AP1M1: variants seen among roughly 807,000 people sequenced by gnomAD.
AP1M1 encodes the protein adaptor related protein complex 1 subunit mu 1.
AP1M1 carries 18 observed loss-of-function variants against 57.1 expected under a neutral mutation model. The observed-to-expected ratio is 0.32, with a 90% CI of 0.22 to 0.47. The LOEUF (loss-of-function observed/expected upper bound fraction) is 0.47. Ranked by LOEUF, AP1M1 falls within the 20% of genes least tolerant of loss-of-function variation. The probability of loss-of-function intolerance (pLI) is 1.00; values close to 1 mark genes in which losing one functional copy is unlikely to be tolerated. For missense variants in AP1M1, 362 were observed against 593.5 expected (o/e 0.61, Z 4.05); for synonymous variants, 241 against 237.9 (o/e 1.01, Z -0.12).
In AP1M1 at chr19:16,235,959, G is replaced by A. The variant is rs1416243729; in HGVS notation, c.*1524G>A. On this transcript the variant is annotated 3_prime_UTR_variant, in exon 12 of 12. Coordinates refer to ENST00000291439, the MANE Select transcript of AP1M1 (RefSeq NM_032493.4). ...CGAGCTCGTCCTCAGGTGTCTAGTGGGCATCCGACCTAACAGCCTGAGTAG... is the reference window on the plus strand; with the variant it reads ...CGAGCTCGTCCTCAGGTGTCTAGTGAGCATCCGACCTAACAGCCTGAGTAG... The A allele has an allele frequency of 1.3e-5, 2 of 152,264 alleles. No homozygotes were observed. Among genetic ancestry groups the A allele is most frequent in the African/African-American group, 4.8e-5 (2 of 41,402 alleles). 9.4% of individuals were successfully genotyped at this position (152,264 alleles called of 1,614,324 possible). A position where few individuals can be genotyped will look rare whatever the true frequency, so the allele number is the denominator to read the frequency against.
chr19:16,240,292 G>C lies in AP1M1; in HGVS notation c.*5857G>C, dbSNP rs796983783. The stretch of plus-strand genomic sequence containing the variant: ...TGTGTGTATGTGTGTGTGTGTGTGT[G>C]TGTGTGTGTGATGTGCGTGTGTGGT... On this transcript the variant is annotated 3_prime_UTR_variant, in exon 12 of 12. Coordinates refer to ENST00000291439, the MANE Select transcript of AP1M1 (RefSeq NM_032493.4). 1.0e-5 allele frequency: 1 copy of C among 99,192 alleles called. No homozygotes were observed. Among genetic ancestry groups the C allele is most frequent in the Non-Finnish European group, 1.8e-5 (1 of 56,140 alleles). 6.1% of individuals were successfully genotyped at this position (99,192 alleles called of 1,614,324 possible).
intron 9 of AP1M1, among the ~76,000 whole-genome samples, chr19:16,231,313 CAGAGAG>C (rs371509285): frequency 6.6e-3 from 284 of 42,860 alleles, no homozygotes; most frequent in African/African-American, 0.011. Context: ...AAAAAAAACA[CAGAGAG>C]AGATTAGAAA....
At chr19:16,198,410 C>G (rs2091433452) in intron 1 of AP1M1, 1 of 173,138 alleles carries the variant, frequency 5.8e-6, no homozygotes, top group South Asian at 1.7e-4. Flanking sequence ...CGGAGCCAGG[C>G]AGGGCGTCCA....
At chr19:16,198,927 C>A (rs1036454315) in intron 1 of AP1M1, among the ~76,000 whole-genome samples, 1 of 152,148 alleles carries the variant, frequency 6.6e-6, no homozygotes, top group Non-Finnish European at 1.5e-5. Flanking sequence ...CCTGCCTCAG[C>A]CTCCCAAGTA....
intron 5 of AP1M1, 133 bp downstream of exon 5, chr19:16,209,310 C>T (rs2091483429): frequency 1.0e-6 from 1 of 1,002,996 alleles, no homozygotes; most frequent in Non-Finnish European, 1.5e-6. Context: ...CAGTTTGGGC[C>T]ACTCATTGAA....
chr19:16,222,559 C>T (rs375737243), intron 5 of AP1M1, among the ~76,000 whole-genome samples: 179 of 151,668 alleles, frequency 1.2e-3, no homozygotes, highest in African/African-American at 4.1e-3. Flanking sequence ...ATTTCAGTTA[C>T]TATATTTTTA....
chr19:16,210,835 C>T (rs1003135762), intron 5 of AP1M1, among the ~76,000 whole-genome samples: 17 of 152,326 alleles, frequency 1.1e-4, no homozygotes, highest in African/African-American at 4.1e-4. Context: ...GCTGGGATTA[C>T]AGGTGTGAGC....
rs3217678 is a variant in AP1M1, at chr19:16,206,608, T to TG, written c.267+204dup. On this transcript the variant is annotated intron_variant, in intron 3 of 11. Coordinates refer to ENST00000291439, the MANE Select transcript of AP1M1 (RefSeq NM_032493.4). The surrounding 1 kb of genome is among the most constrained non-coding windows in gnomAD (Gnocchi z 4.3). The stretch of plus-strand genomic sequence containing the variant: ...TATAGCTCACGTTGCTCCCCTACCG[T>TG]GGGGAAGAAAGGAAAGTGAACAGGA... 382,042 of 617,342 alleles carry TG rather than the reference T, an allele frequency of 0.62. 126,028 individuals are homozygous for TG. The highest frequency in any genetic ancestry group is 0.71 in the Non-Finnish European group (242,344 of 342,866). 38.2% of individuals were successfully genotyped at this position (617,342 alleles called of 1,614,324 possible). A position where few individuals can be genotyped will look rare whatever the true frequency, so the allele number is the denominator to read the frequency against.
Position 16,228,988 on chromosome 19 carries a change from G to C in AP1M1, c.1047+60G>C. 5.7e-6 allele frequency: 9 copies of C among 1,579,222 alleles called. No individual in the cohort carries two copies. In the South Asian group the frequency reaches 9.0e-5, roughly 16 times the overall value. ...GCGCCTGTCTCTGCAAGGCAGCCTGGGTGCCTCAGGACCCCCTGCACCTCA... is the reference window on the plus strand; with the variant it reads ...GCGCCTGTCTCTGCAAGGCAGCCTGCGTGCCTCAGGACCCCCTGCACCTCA... On this transcript the variant is annotated intron_variant, in intron 9 of 11. Coordinates refer to ENST00000291439, the MANE Select transcript of AP1M1 (RefSeq NM_032493.4). The surrounding 1 kb of genome is among the most constrained non-coding windows in gnomAD (Gnocchi z 5.0).
intron 5 of AP1M1, among the ~76,000 whole-genome samples, chr19:16,219,880 G>T (rs1016772880): frequency 6.6e-6 from 1 of 152,068 alleles, no homozygotes; most frequent in Non-Finnish European, 1.5e-5. Context: ...TTGGATTTTG[G>T]AGCATTTTGG....
chr19:16,212,609 G>A (rs564812074), intron 5 of AP1M1, among the ~76,000 whole-genome samples: 1 of 152,292 alleles, frequency 6.6e-6, no homozygotes, highest in Admixed American at 6.5e-5. Flanking sequence ...GAGTTCAGCT[G>A]TGACTTTGGT....
chr19:16,217,354 C>A (rs746640502), intron 5 of AP1M1, among the ~76,000 whole-genome samples: 3 of 152,106 alleles, frequency 2.0e-5, no homozygotes, highest in Non-Finnish European at 4.4e-5. Flanking sequence ...CAGCAGGGTG[C>A]ACACACAGGC....
rs2091459023 is a variant in AP1M1 at position 16,203,820 on chromosome 19, G to A, written c.199+205G>A. On this transcript the variant is annotated intron_variant, in intron 2 of 11. Coordinates refer to ENST00000291439, the MANE Select transcript of AP1M1 (RefSeq NM_032493.4). This position sits in a 1 kb window ranked among gnomAD's most constrained non-coding sequence, Gnocchi z 4.6. ...GATGGGTGTGGGGAGAGGAGCAGGT[G>A]TGACTTGAACCTCTTCAGCCCAGGG... Among the ~76,000 whole-genome samples, 1 of 152,166 alleles carries A rather than the reference G, an allele frequency of 6.6e-6. No individual in the cohort carries two copies. Among genetic ancestry groups the A allele is most frequent in the South Asian group, 2.1e-4 (1 of 4,832 alleles).
rs1021698199 is a variant in AP1M1 at position 16,208,686 on chromosome 19, G to A, written c.399-344G>A. ...GGATGGGGTCACCAGGTTACACTCC[G>A]AGGCGTCAGTTCCATCCACGTGCTC... On this transcript the variant is annotated intron_variant, in intron 4 of 11. Transcript: ENST00000291439. 2.6e-5 allele frequency among the ~76,000 whole-genome samples: 4 copies of A among 152,156 alleles called. No individual in the cohort carries two copies. The South Asian group carries it at 6.2e-4, about 24-fold the overall frequency.
At position 16,212,221 on chromosome 19, in the gene AP1M1, C is replaced by T. The variant is rs534147742; in HGVS notation, c.546+3044C>T. Among the ~76,000 whole-genome samples the T allele has an allele frequency of 1.4e-4, 22 of 152,108 alleles. No individual in the cohort carries two copies. In the South Asian group the frequency reaches 2.7e-3, roughly 19 times the overall value. On this transcript the variant is annotated intron_variant, in intron 5 of 11. Coordinates refer to ENST00000291439, the MANE Select transcript of AP1M1 (RefSeq NM_032493.4). The stretch of plus-strand genomic sequence containing the variant: ...GTCTGATAGAATTCAGCTGTGAGTC[C>T]GTCTGGTCCAGGTTTTTTTTGGTTG...
chr19:16,201,036 CA>C (rs2091444705), intron 1 of AP1M1, among the ~76,000 whole-genome samples: 1 of 152,190 alleles, frequency 6.6e-6, no homozygotes, highest in African/African-American at 2.4e-5. Context: ...ACCATAAATT[CA>C]GCATTCTTCT....
Position 16,242,609 on chromosome 19 carries a change from T to G in AP1M1, c.*8174T>G, listed in dbSNP as rs2091649376. On this transcript the variant is annotated 3_prime_UTR_variant, in exon 12 of 12. Coordinates refer to ENST00000291439, the MANE Select transcript of AP1M1 (RefSeq NM_032493.4). ...CTAAAATGTAAGTACACAACACAAT[T>G]GAAAGTAAAAAAACATTAAAAGATG... The G allele has an allele frequency of 6.6e-6, 1 of 152,022 alleles. No individual in the cohort carries two copies. The highest frequency in any genetic ancestry group is 6.6e-5 in the Admixed American group (1 of 15,256). 9.4% of individuals were successfully genotyped at this position (152,022 alleles called of 1,614,324 possible).
intron 1 of AP1M1, among the ~76,000 whole-genome samples, chr19:16,201,908 T>C (rs12972632): frequency 0.67 from 102,428 of 151,990 alleles, 36,242 homozygotes; most frequent in Non-Finnish European, 0.8. Context: ...TTGGGAGCCA[T>C]GGGGACGGGC....
chr19:16,231,855 A>G (rs1370907423), intron 9 of AP1M1, among the ~76,000 whole-genome samples: 1 of 152,216 alleles, frequency 6.6e-6, no homozygotes, highest in Non-Finnish European at 1.5e-5. Context: ...TGGAAGTGCC[A>G]TAGTGTAGGC....
Sources: gnomAD v4.1 joint callset for allele counts (sites outside exome capture counted in the v4.1 genomes callset) on GRCh38, gnomAD v4.1.1 for gene constraint, Gnocchi (gnomAD v3.1) non-coding constraint, MANE v1.5 for transcripts, NCBI Gene and HGNC (gene_info 2026-07-23, HGNC 2026-07-21) for gene names.